Variants in DPP10 observed in about 807,000 individuals in gnomAD.
DPP10 encodes dipeptidyl peptidase like 10, also known as inactive dipeptidyl peptidase 10.
In DPP10, 33 loss-of-function variants were observed where a neutral mutation model predicts 120.9. That is an observed-to-expected ratio of 0.27 (90% CI 0.21 to 0.37). DPP10 has a LOEUF of 0.37. DPP10 is among the 10% of genes least tolerant of loss of function. The pLI is 1.00. For missense variants in DPP10, 816 were observed against 942.8 expected (o/e 0.87, Z 1.76); for synonymous variants, 337 against 326.1 (o/e 1.03, Z -0.36).
At chr2:114,819,201 GC>G (rs1685881998) in intron 1 of DPP10, among the ~76,000 whole-genome samples, 1 of 149,644 alleles carries the variant, frequency 6.7e-6, no homozygotes, top group Non-Finnish European at 1.5e-5. Context: ...AACTTACTAA[GC>G]TTTTTTTTTT....
chr2:114,483,283 G>T (rs1681221158), intron 1 of DPP10, among the ~76,000 whole-genome samples: 1 of 152,078 alleles, frequency 6.6e-6, no homozygotes, highest in Middle Eastern at 3.4e-3. Context: ...AGATCAAGGA[G>T]AGGTGAGTTT....
At chr2:115,738,988 T>A (rs1676937365) in intron 8 of DPP10, among the ~76,000 whole-genome samples, 1 of 152,264 alleles carries the variant, frequency 6.6e-6, no homozygotes, top group Admixed American at 6.5e-5. Context: ...TTGTTAGCAC[T>A]CCTATGACCA....
At chr2:114,524,044 G>A (rs1477900902) in intron 1 of DPP10, among the ~76,000 whole-genome samples, 1 of 152,246 alleles carries the variant, frequency 6.6e-6, no homozygotes. Flanking sequence ...GGACTAAAGT[G>A]TGGCATTTTG....
At chr2:115,506,545 A>C (rs960413198) in intron 4 of DPP10, among the ~76,000 whole-genome samples, 8 of 152,138 alleles carry the variant, frequency 5.3e-5, no homozygotes, top group African/African-American at 9.6e-5. Flanking sequence ...CCTTTTAAAG[A>C]AATGTGAAAA....
At chr2:114,590,980 G>T (rs1397217994) in intron 1 of DPP10, among the ~76,000 whole-genome samples, 1 of 152,156 alleles carries the variant, frequency 6.6e-6, no homozygotes, top group Non-Finnish European at 1.5e-5. Context: ...TGATAAAGGT[G>T]GAATGAAGCA....
At chr2:115,316,960 A>G (rs1226474931) in intron 2 of DPP10, among the ~76,000 whole-genome samples, 1 of 152,062 alleles carries the variant, frequency 6.6e-6, no homozygotes, top group Non-Finnish European at 1.5e-5. Flanking sequence ...GTTTTTTAAA[A>G]CAATTAGCCA....
At position 115,772,434 on chromosome 2, in the gene DPP10, C is replaced by T. The variant is rs185236864; in HGVS notation, c.1221+4030C>T. On this transcript the variant is annotated intron_variant, in intron 13 of 25. Coordinates refer to ENST00000410059, the MANE Select transcript of DPP10 (RefSeq NM_020868.6). ...AATATATGTATTTCCAGATCACTTT[C>T]AGTATGAATATATGAAAGCAAAATT... is the stretch of plus-strand genomic sequence containing the variant. Among the ~76,000 whole-genome samples, 1,033 of 152,186 alleles carry T rather than the reference C, an allele frequency of 6.8e-3. 7 individuals are homozygous for T. The highest frequency in any genetic ancestry group is 9.6e-3 in the Non-Finnish European group (653 of 67,982).
chr2:115,294,798 A>T (rs1355702810), intron 1 of DPP10, among the ~76,000 whole-genome samples: 3 of 152,010 alleles, frequency 2.0e-5, no homozygotes, highest in Non-Finnish European at 4.4e-5. Context: ...AAATGAATTG[A>T]TGTTTCTCAT....
intron 1 of DPP10, among the ~76,000 whole-genome samples, chr2:114,479,963 C>T (rs1680872018): frequency 6.6e-6 from 1 of 151,816 alleles, no homozygotes; most frequent in Admixed American, 6.6e-5. Context: ...GCAACCTACT[C>T]ATCTGACAAA....
At chr2:115,012,420 A>G (rs1281174473) in intron 1 of DPP10, among the ~76,000 whole-genome samples, 1 of 152,136 alleles carries the variant, frequency 6.6e-6, no homozygotes, top group Non-Finnish European at 1.5e-5. Context: ...AAGGACCCTC[A>G]CAGATTCCAC....
intron 1 of DPP10, among the ~76,000 whole-genome samples, chr2:115,149,752 C>T (rs1351967773): frequency 6.6e-6 from 1 of 152,154 alleles, no homozygotes; most frequent in East Asian, 1.9e-4. Flanking sequence ...GTCATTGCTA[C>T]TAGGGTTGCC....
At chr2:114,507,144 C>T (rs934536936) in intron 1 of DPP10, among the ~76,000 whole-genome samples, 3 of 150,406 alleles carry the variant, frequency 2.0e-5, no homozygotes, top group African/African-American at 4.9e-5. Context: ...ACCTCCTGGG[C>T]TCAAGTGATA....
At chr2:115,620,548 T>C (rs2084868695) in intron 5 of DPP10, among the ~76,000 whole-genome samples, 1 of 152,228 alleles carries the variant, frequency 6.6e-6, no homozygotes, top group South Asian at 2.1e-4. Context: ...GAAACTATAA[T>C]TCTTACAAAT....
At chr2:114,964,427 A>T (rs577372514) in intron 1 of DPP10, among the ~76,000 whole-genome samples, 40 of 152,144 alleles carry the variant, frequency 2.6e-4, no homozygotes, top group Non-Finnish European at 4.7e-4. Context: ...GACAGTAAAT[A>T]AGAAAAAAAG....
At chr2:114,725,869 G>A (rs531027796) in intron 1 of DPP10, among the ~76,000 whole-genome samples, 3 of 152,232 alleles carry the variant, frequency 2.0e-5, no homozygotes, top group Non-Finnish European at 2.9e-5. Flanking sequence ...CTCCTAAACC[G>A]AAATGACAAA....
intron 5 of DPP10, among the ~76,000 whole-genome samples, chr2:115,558,677 A>G (rs200916219): frequency 8.5e-5 from 13 of 152,176 alleles, no homozygotes; most frequent in East Asian, 3.9e-4. Flanking sequence ...TCAGGTTTTC[A>G]TACTAAAAAA....
intron 1 of DPP10, among the ~76,000 whole-genome samples, chr2:115,138,648 A>G (rs2050768376): frequency 6.6e-6 from 1 of 152,238 alleles, no homozygotes; most frequent in African/African-American, 2.4e-5. Context: ...TTGGGAAAAT[A>G]AAACACAATT....
Position 115,587,771 on chromosome 2 carries a change from C to A in DPP10, c.441+61799C>A, listed in dbSNP as rs181148000. 5.5e-3 allele frequency among the ~76,000 whole-genome samples: 837 copies of A among 152,280 alleles called. 4 individuals carry two copies. Among genetic ancestry groups the A allele is most frequent in the Non-Finnish European group, 0.01 (688 of 68,014 alleles). ...TATTTGAAGACATTTTAATGTCTTTCCATAAAGTGTTTGATCACATGTTGT... is the reference window on the plus strand; with the variant it reads ...TATTTGAAGACATTTTAATGTCTTTACATAAAGTGTTTGATCACATGTTGT... On this transcript the variant is annotated intron_variant, in intron 5 of 25. Transcript: ENST00000410059.
intron 3 of DPP10, among the ~76,000 whole-genome samples, chr2:115,492,086 A>G (rs767589099): frequency 1.3e-5 from 2 of 152,132 alleles, no homozygotes; most frequent in African/African-American, 2.4e-5. Flanking sequence ...TAAATAAATA[A>G]GTACATATAT....
Sources: gnomAD v4.1 joint callset for allele counts (sites outside exome capture counted in the v4.1 genomes callset) on GRCh38, gnomAD v4.1.1 for gene constraint, MANE v1.5 for transcripts, NCBI Gene and HGNC (gene_info 2026-07-23, HGNC 2026-07-21) for gene names.